MALT1: variants seen among roughly 807,000 people sequenced by gnomAD.
The protein encoded by MALT1 is MALT1 paracaspase, also known as mucosa-associated lymphoid tissue lymphoma translocation protein 1.
In MALT1, 36 loss-of-function variants were observed where a neutral mutation model predicts 85.5. That is an observed-to-expected ratio of 0.42 (90% CI 0.32 to 0.56). The LOEUF is 0.56. MALT1 is among the 20% of genes least tolerant of loss of function. The pLI, the probability that MALT1 is intolerant of heterozygous loss-of-function variation, is 0.10. For missense variants in MALT1, 716 were observed against 981.6 expected (o/e 0.73, Z 3.62); for synonymous variants, 359 against 361.3 (o/e 0.99, Z 0.07).
At chr18:58,727,409 T>G (rs2055071917) in intron 10 of MALT1, among the ~76,000 whole-genome samples, 1 of 152,142 alleles carries the variant, frequency 6.6e-6, no homozygotes, top group Admixed American at 6.5e-5. Context: ...GTTCAAGCAG[T>G]TCTCCTGCCT....
At chr18:58,709,905 C>G in intron 5 of MALT1, 71 bp from the exon 6 acceptor site, 1 of 1,014,350 alleles carries the variant, frequency 9.9e-7, no homozygotes, top group Non-Finnish European at 1.5e-6. Context: ...ATTTTTAAAA[C>G]ACAAAATGAT....
intron 13 of MALT1, among the ~76,000 whole-genome samples, chr18:58,736,849 T>C (rs1602337636): frequency 6.6e-6 from 1 of 152,222 alleles, no homozygotes; most frequent in Non-Finnish European, 1.5e-5. Context: ...TTGTACAAAA[T>C]AAGTAAAGGC....
In MALT1 at chr18:58,709,574, G is replaced by A; in HGVS notation, c.828+18G>A. 3 of 1,573,192 alleles carry A rather than the reference G, an allele frequency of 1.9e-6. No individual in the cohort carries two copies. The highest frequency in any genetic ancestry group is 2.6e-6 in the Non-Finnish European group (3 of 1,159,998). ...TATACATGGTAGGAAGTTGATTTTG[G>A]GGTCTTTTGGGGGAGTTAACATGTA... On this transcript the variant is annotated intron_variant, in intron 5 of 16. Coordinates refer to ENST00000649217, the MANE Select transcript of MALT1 (RefSeq NM_006785.4).
intron 1 of MALT1, 86 bp from the exon 2 acceptor site, chr18:58,681,084 C>T: frequency 3.3e-6 from 4 of 1,195,578 alleles, no homozygotes; most frequent in South Asian, 1.5e-5. Flanking sequence ...TGATTTATTC[C>T]ATACAGCACC....
At chr18:58,740,811 A>G (rs944322668) in intron 13 of MALT1, among the ~76,000 whole-genome samples, 2 of 152,120 alleles carry the variant, frequency 1.3e-5, no homozygotes, top group Admixed American at 6.5e-5. Flanking sequence ...GTTCAGTTCT[A>G]TATTTCTGCT....
intron 4 of MALT1, among the ~76,000 whole-genome samples, chr18:58,705,676 A>C: frequency 6.6e-6 from 1 of 151,262 alleles, no homozygotes; most frequent in East Asian, 1.9e-4. Context: ...ATGGCTGCAT[A>C]GTATTCCATG....
At chr18:58,672,549 G>A (rs889202940) in intron 1 of MALT1, 1 of 152,060 alleles carries the variant, frequency 6.6e-6, no homozygotes, top group Admixed American at 6.5e-5. Flanking sequence ...GCTCTTATGT[G>A]GGTTAGAGAT....
intron 9 of MALT1, among the ~76,000 whole-genome samples, chr18:58,722,028 C>T (rs1175277667): frequency 6.6e-6 from 1 of 152,126 alleles, no homozygotes; most frequent in Admixed American, 6.5e-5. Context: ...TGCACACGCC[C>T]CACTGTCAGC....
At chr18:58,698,600 C>T (rs1021607764) in intron 3 of MALT1, among the ~76,000 whole-genome samples, 2 of 152,130 alleles carry the variant, frequency 1.3e-5, no homozygotes, top group Non-Finnish European at 2.9e-5. Flanking sequence ...AGGCTTTCCA[C>T]CTGAGCATCT....
chr18:58,719,340 T>G (rs2054950101), intron 9 of MALT1, among the ~76,000 whole-genome samples: 1 of 152,032 alleles, frequency 6.6e-6, no homozygotes. Context: ...TTTCTCTTCC[T>G]CTTACTCTGT....
At chr18:58,683,121 A>G (rs527977765) in intron 2 of MALT1, among the ~76,000 whole-genome samples, 87 of 152,324 alleles carry the variant, frequency 5.7e-4, no homozygotes, top group African/African-American at 2.0e-3. Context: ...GTAGCACCCA[A>G]GAGTTGTGAC....
At chr18:58,677,204 TAC>T (rs1300302524) in intron 1 of MALT1, among the ~76,000 whole-genome samples, 12 of 152,220 alleles carry the variant, frequency 7.9e-5, no homozygotes, top group African/African-American at 2.6e-4. Context: ...CAAAAAGAGA[TAC>T]AGAGTCTTCT....
chr18:58,738,857 A>AAT (rs1235613893), intron 13 of MALT1, among the ~76,000 whole-genome samples: 9 of 152,080 alleles, frequency 5.9e-5, no homozygotes, highest in Non-Finnish European at 1.2e-4. Flanking sequence ...TTCTTGATAT[A>AAT]ATACTAGCGA....
chr18:58,681,829 CTT>C (rs1219694106), intron 2 of MALT1, among the ~76,000 whole-genome samples: 1 of 152,108 alleles, frequency 6.6e-6, no homozygotes, highest in African/African-American at 2.4e-5. Flanking sequence ...ACCTTGTACT[CTT>C]ATGAGTTTTT....
At chr18:58,736,316 C>T (rs143831854) in intron 13 of MALT1, among the ~76,000 whole-genome samples, 71 of 152,122 alleles carry the variant, frequency 4.7e-4, no homozygotes, top group Admixed American at 1.2e-3. Context: ...TTCCATTTAA[C>T]ATAACCAGCC....
chr18:58,751,337 T>C lies in MALT1; in HGVS notation c.*3495T>C, dbSNP rs1375879586. The C allele has an allele frequency of 6.6e-6, 1 of 151,836 alleles. No individual in the cohort carries two copies. The highest frequency in any genetic ancestry group is 2.4e-5 in the African/African-American group (1 of 41,340). 9.4% of individuals were successfully genotyped at this position (151,836 alleles called of 1,614,324 possible). A position where few individuals can be genotyped will look rare whatever the true frequency, so the allele number is the denominator to read the frequency against. ...GGTGGCACACACCTGTAATCCCAGC[T>C]ACTAGGGAGGCTGAGGCAGGAGAAT... On this transcript the variant is annotated 3_prime_UTR_variant, in exon 17 of 17. Transcript: ENST00000649217.
chr18:58,747,460 C>G lies in MALT1; in HGVS notation c.2093C>G (p.Thr698Ser), dbSNP rs1485323358. 3 of 1,613,840 alleles carry G rather than the reference C, an allele frequency of 1.9e-6. No individual in the cohort carries two copies. Among genetic ancestry groups the G allele is most frequent in the Admixed American group, 1.7e-5 (1 of 60,012 alleles). ...TATCAGTACTCAGGATTGGAAGATA[C>G]TGTAGAGGACAAGCAGGAAGTGAAT... ...LSYQYSGLED[T>S]VEDKQEVNVG... The change falls in exon 17 of 17, where the codon ACT (threonine) becomes AGT (serine). Residue 698 changes from threonine (T) to serine (S), a missense_variant. Physicochemically the swap from Thr to Ser is moderately conservative, Grantham distance 58. Coordinates refer to ENST00000649217, the MANE Select transcript of MALT1 (RefSeq NM_006785.4).
At chr18:58,698,128 G>A (rs11878019) in intron 3 of MALT1, among the ~76,000 whole-genome samples, 9,051 of 147,734 alleles carry the variant, frequency 0.061, 956 homozygotes, top group African/African-American at 0.21. Flanking sequence ...GTGCAGTGGC[G>A]CGATCTTGGC....
At chr18:58,731,953 T>C (rs1481138999) in intron 10 of MALT1, among the ~76,000 whole-genome samples, 1 of 152,152 alleles carries the variant, frequency 6.6e-6, no homozygotes, top group African/African-American at 2.4e-5. Context: ...TCATTTTAGC[T>C]GAAACGTATT....
Sources: allele counts gnomAD v4.1 joint callset (sites outside exome capture counted in the v4.1 genomes callset), GRCh38; gene constraint gnomAD v4.1.1; transcripts MANE v1.5; gene names NCBI Gene and HGNC (gene_info 2026-07-23, HGNC 2026-07-21).